The following WDTC1 variants were observed in gnomAD, a reference collection of about 807,000 sequenced individuals.
The protein encoded by WDTC1 is WD and tetratricopeptide repeats 1, also known as WD and tetratricopeptide repeats protein 1.
A neutral mutation model predicts 76.0 loss-of-function variants in WDTC1; 12 were observed. The ratio of observed to expected loss-of-function variants is 0.16; its 90% confidence interval spans 0.10 to 0.26. The LOEUF (loss-of-function observed/expected upper bound fraction) is 0.26. Among genes scored for constraint, WDTC1 ranks in the 10% least tolerant of loss-of-function variants. The pLI is 1.00. For missense variants in WDTC1, 511 were observed against 908.8 expected (o/e 0.56, Z 5.63); for synonymous variants, 326 against 350.8 (o/e 0.93, Z 0.79).
intron 12 of WDTC1, among the ~76,000 whole-genome samples, chr1:27,299,548 G>T (rs1024330482): frequency 6.6e-6 from 1 of 152,038 alleles, no homozygotes; most frequent in Non-Finnish European, 1.5e-5. Context: ...AGGCATGGGG[G>T]TGGGGGACTG....
At chr1:27,266,318 A>G (rs2012674502) in intron 3 of WDTC1, among the ~76,000 whole-genome samples, 2 of 152,190 alleles carry the variant, frequency 1.3e-5, no homozygotes, top group South Asian at 4.1e-4. Context: ...TGATTTTTAC[A>G]GTCTAACTCT....
At chr1:27,267,875 A>T (rs1032471060) in intron 3 of WDTC1, among the ~76,000 whole-genome samples, 4 of 152,206 alleles carry the variant, frequency 2.6e-5, no homozygotes, top group African/African-American at 9.6e-5. Flanking sequence ...ACCAATAGAC[A>T]TGTAGATTAT....
intron 1 of WDTC1, among the ~76,000 whole-genome samples, chr1:27,235,157 G>C (rs1277249026): frequency 6.6e-6 from 1 of 152,032 alleles, no homozygotes; most frequent in Non-Finnish European, 1.5e-5. Flanking sequence ...GGGCGGGGTG[G>C]GGGCGGAGGG....
intron 12 of WDTC1, among the ~76,000 whole-genome samples, chr1:27,299,112 T>C (rs2013770388): frequency 6.6e-6 from 1 of 152,078 alleles, no homozygotes; most frequent in Admixed American, 6.5e-5. Flanking sequence ...TCAGTGGTCC[T>C]CATCCAGGCT....
At position 27,301,668 on chromosome 1, in the gene WDTC1, G is replaced by A. The variant is rs866200654; in HGVS notation, c.1468+207G>A. ...GGCATGCCAGCACCTCCCACTGAGCGTTTCTATTGAGGATCAGCATGTTTA... is the reference window on the plus strand; with the variant it reads ...GGCATGCCAGCACCTCCCACTGAGCATTTCTATTGAGGATCAGCATGTTTA... On this transcript the variant is annotated intron_variant, in intron 13 of 15. Transcript: ENST00000319394. This position sits in a 1 kb window ranked among gnomAD's most constrained non-coding sequence, Gnocchi z 5.8. 7.2e-5 allele frequency among the ~76,000 whole-genome samples: 11 copies of A among 152,216 alleles called. No homozygotes were observed. The highest frequency in any genetic ancestry group is 4.1e-4 in the South Asian group (2 of 4,822).
intron 8 of WDTC1, 59 bp from the exon 9 acceptor site, chr1:27,294,455 A>T: frequency 4.8e-6 from 7 of 1,473,676 alleles, no homozygotes; most frequent in South Asian, 3.4e-5. Context: ...GACTTCACAC[A>T]ATCTCATGCC....
rs758342772 is a variant in WDTC1, at chr1:27,303,134, G to A, written c.1469-487G>A. Among the ~76,000 whole-genome samples the A allele has an allele frequency of 7.2e-5, 11 of 152,088 alleles. No individual in the cohort carries two copies. Among genetic ancestry groups the A allele is most frequent in the East Asian group, 1.9e-4 (1 of 5,188 alleles). On this transcript the variant is annotated intron_variant, in intron 13 of 15. Coordinates refer to ENST00000319394, the MANE Select transcript of WDTC1 (RefSeq NM_001276252.2). This position sits in a 1 kb window ranked among gnomAD's most constrained non-coding sequence, Gnocchi z 4.8. ...CTAAAAATACAAAAATTAGCTGGGC[G>A]TGGTGGCACGTGCCTGGTAGTCCCA...
At chr1:27,246,984 G>A (rs533950371) in intron 1 of WDTC1, among the ~76,000 whole-genome samples, 6 of 150,448 alleles carry the variant, frequency 4.0e-5, no homozygotes, top group East Asian at 2.0e-4. Context: ...CTCCTACCTC[G>A]GACTCCCAAA....
intron 3 of WDTC1, 132 bp from the exon 4 acceptor site, chr1:27,282,107 C>A: frequency 1.3e-6 from 1 of 768,674 alleles, no homozygotes; most frequent in Non-Finnish European, 2.2e-6. Flanking sequence ...TCCACTTTGG[C>A]CACTCACATG....
In WDTC1 at chr1:27,294,575, T is replaced by C; in HGVS notation, c.819T>C (p.Tyr273=). 2 of 1,614,164 alleles carry C rather than the reference T, an allele frequency of 1.2e-6. No individual in the cohort carries two copies. Among genetic ancestry groups the C allele is most frequent in the Non-Finnish European group, 8.5e-7 (1 of 1,180,014 alleles). Reference sequence around the variant, plus strand: ...GTTTGAGAGTGCTGGTTGCCACCTATGTGACCTTCAGCCCCAATGGCACAG... The same window carrying C: ...GTTTGAGAGTGCTGGTTGCCACCTACGTGACCTTCAGCCCCAATGGCACAG... ...NNRLRVLVAT[Y]VTFSPNGTEL... is the part of the protein sequence containing the mutation. Residue 273 remains tyrosine, a synonymous_variant, in exon 9 of 16, where the codon TAT becomes TAC. Transcript: ENST00000319394.
chr1:27,235,302 AGG>A (rs1356519734), intron 1 of WDTC1, among the ~76,000 whole-genome samples: 1 of 151,984 alleles, frequency 6.6e-6, no homozygotes, highest in Non-Finnish European at 1.5e-5. Context: ...GTCAGGAAGA[AGG>A]GGCAGGTGTA....
intron 11 of WDTC1, 80 bp downstream of exon 11, chr1:27,297,236 C>A: frequency 7.6e-7 from 1 of 1,313,780 alleles, no homozygotes; most frequent in Non-Finnish European, 1.1e-6. Context: ...ACCTGTAAAT[C>A]TTCCTCCTGA....
At chr1:27,271,309 G>A (rs2012862148) in intron 3 of WDTC1, among the ~76,000 whole-genome samples, 1 of 151,964 alleles carries the variant, frequency 6.6e-6, no homozygotes, top group Admixed American at 6.6e-5. Flanking sequence ...CTGCCTCCTG[G>A]GTTCAAGCAA....
chr1:27,306,929 A>G lies in WDTC1; in HGVS notation c.*546A>G, dbSNP rs2013969646. 1 of 158,236 alleles carries G rather than the reference A, an allele frequency of 6.3e-6. No homozygotes were observed. Among genetic ancestry groups the G allele is most frequent in the Non-Finnish European group, 1.4e-5 (1 of 71,530 alleles). The allele number at this position is 158,236 out of a possible 1,614,324, so 9.8% of individuals were successfully genotyped here. ...TGTTAGAGCGGAGCCCAAAGGAAGGATGGGAGCCCTGGAGTGGGCAAGACC... is the reference window on the plus strand; with the variant it reads ...TGTTAGAGCGGAGCCCAAAGGAAGGGTGGGAGCCCTGGAGTGGGCAAGACC... On this transcript the variant is annotated 3_prime_UTR_variant, in exon 16 of 16. Coordinates refer to ENST00000319394, the MANE Select transcript of WDTC1 (RefSeq NM_001276252.2). The surrounding 1 kb of genome is among the most constrained non-coding windows in gnomAD (Gnocchi z 5.0).
intron 8 of WDTC1, 124 bp downstream of exon 8, chr1:27,294,240 G>A: frequency 9.7e-7 from 1 of 1,025,762 alleles, no homozygotes; most frequent in Non-Finnish European, 1.4e-6. Context: ...ACAGACCTGA[G>A]TTTTAATCCC....
intron 14 of WDTC1, 45 bp from the exon 15 acceptor site, chr1:27,304,956 G>C (rs761188329): frequency 1.9e-6 from 3 of 1,575,142 alleles, no homozygotes; most frequent in Non-Finnish European, 2.6e-6. Flanking sequence ...TGAGGCTGTA[G>C]GGCAGTACCC....
At chr1:27,281,371 A>G (rs566400131) in intron 3 of WDTC1, among the ~76,000 whole-genome samples, 1 of 150,408 alleles carries the variant, frequency 6.6e-6, no homozygotes, top group Non-Finnish European at 1.5e-5. Flanking sequence ...GGAGAATGGC[A>G]TGAACCCAGG....
Position 27,234,963 on chromosome 1 carries a change from C to G in WDTC1, c.-100+12C>G, listed in dbSNP as rs1190297289. ...AAGAGACCTGACAGGTACGGGTCAC[C>G]GCCGCCCCCTGCCCTCCGCGGGCGC... On this transcript the variant is annotated intron_variant, in intron 1 of 15. Transcript: ENST00000319394. 2.6e-6 allele frequency: 1 copy of G among 388,740 alleles called. No individual in the cohort carries two copies. The highest frequency in any genetic ancestry group is 2.1e-5 in the African/African-American group (1 of 48,142). 24.1% of individuals were successfully genotyped at this position (388,740 alleles called of 1,614,324 possible).
intron 1 of WDTC1, among the ~76,000 whole-genome samples, chr1:27,244,519 A>G (rs575488112): frequency 2.0e-4 from 30 of 152,012 alleles, no homozygotes; most frequent in African/African-American, 6.0e-4. Context: ...TTTTTAAAAA[A>G]CTTTTTTATA....
Sources: allele counts gnomAD v4.1 joint callset (sites outside exome capture counted in the v4.1 genomes callset), GRCh38; gene constraint gnomAD v4.1.1; non-coding constraint Gnocchi (gnomAD v3.1); transcripts MANE v1.5; gene names NCBI Gene and HGNC (gene_info 2026-07-23, HGNC 2026-07-21).